ZBTB16: variants seen among roughly 807,000 people sequenced by gnomAD.
The protein encoded by ZBTB16 is zinc finger and BTB domain containing 16, also known as zinc finger and BTB domain-containing protein 16.
Under a neutral mutation model 56.8 loss-of-function variants are expected in ZBTB16, and 8 were observed. That is an observed-to-expected ratio of 0.14 (90% CI 0.08 to 0.25). The LOEUF is 0.25. Ranked by LOEUF, ZBTB16 falls within the 10% of genes least tolerant of loss-of-function variation. The probability of loss-of-function intolerance (pLI) is 1.00; values close to 1 mark genes in which losing one functional copy is unlikely to be tolerated. For missense variants in ZBTB16, 625 were observed against 903.0 expected (o/e 0.69, Z 3.95); for synonymous variants, 363 against 368.5 (o/e 0.98, Z 0.17).
chr11:114,066,231 G>A (rs1446307686), intron 2 of ZBTB16, among the ~76,000 whole-genome samples: 5 of 152,158 alleles, frequency 3.3e-5, no homozygotes, highest in African/African-American at 9.7e-5. Flanking sequence ...ACCCCTAGCC[G>A]GAATCTGCTC....
intron 3 of ZBTB16, among the ~76,000 whole-genome samples, chr11:114,164,182 C>T (rs1942678603): frequency 6.6e-6 from 1 of 152,038 alleles, no homozygotes; most frequent in African/African-American, 2.4e-5. Flanking sequence ...TGTCATTTTT[C>T]CCCCCTCAGA....
At chr11:114,072,498 A>T (rs1278058574) in intron 2 of ZBTB16, among the ~76,000 whole-genome samples, 2 of 152,074 alleles carry the variant, frequency 1.3e-5, no homozygotes, top group Admixed American at 1.3e-4. Flanking sequence ...CACCTTACTG[A>T]TGGGGGTCCT....
intron 5 of ZBTB16, chr11:114,246,944 A>T: frequency 1.8e-6 from 1 of 541,594 alleles, no homozygotes; most frequent in Non-Finnish European, 3.3e-6. Context: ...CCATCCCTGA[A>T]CCAAATGGGC....
chr11:114,209,375 A>G lies in ZBTB16; in HGVS notation c.1453+22337A>G, dbSNP rs139076784. ...TCTTGATCTACTGTTTTTCAGGTTA[A>G]TGGTGTCTGGGATTTGTGGAGGGAG... On this transcript the variant is annotated intron_variant, in intron 4 of 6. Transcript: ENST00000335953. 85 of 985,308 alleles carry G rather than the reference A, an allele frequency of 8.6e-5. No homozygotes were observed. The African/African-American group carries it at 1.4e-3, about 17-fold the overall frequency. 61.0% of individuals were successfully genotyped at this position (985,308 alleles called of 1,614,324 possible). A position where few individuals can be genotyped will look rare whatever the true frequency, so the allele number is the denominator to read the frequency against.
At chr11:114,195,437 G>T (rs1360216158) in intron 4 of ZBTB16, among the ~76,000 whole-genome samples, 2 of 152,156 alleles carry the variant, frequency 1.3e-5, no homozygotes, top group African/African-American at 4.8e-5. Flanking sequence ...AGGAAAGGGG[G>T]ATGGGCAAAT....
intron 3 of ZBTB16, among the ~76,000 whole-genome samples, chr11:114,173,362 G>A (rs1943020545): frequency 6.6e-6 from 1 of 152,128 alleles, no homozygotes. Context: ...GGGAAGGGAG[G>A]GTGGCAGTCT....
intron 4 of ZBTB16, among the ~76,000 whole-genome samples, chr11:114,223,336 A>G (rs1944272838): frequency 6.6e-6 from 1 of 152,204 alleles, no homozygotes; most frequent in Non-Finnish European, 1.5e-5. Flanking sequence ...ATTAAAAGAT[A>G]TGGGAATATA....
At chr11:114,119,222 A>G (rs1941267427) in intron 2 of ZBTB16, among the ~76,000 whole-genome samples, 1 of 137,954 alleles carries the variant, frequency 7.2e-6, no homozygotes, top group African/African-American at 2.7e-5. Flanking sequence ...CCGAAACCAC[A>G]CCACTCCGCT....
At chr11:114,154,072 G>C (rs1157167326) in intron 2 of ZBTB16, among the ~76,000 whole-genome samples, 1 of 152,202 alleles carries the variant, frequency 6.6e-6, no homozygotes, top group Non-Finnish European at 1.5e-5. Context: ...TTCATACCTA[G>C]AGAAAAGGCA....
Position 114,063,937 on chromosome 11 carries a change from C to G in ZBTB16, c.637C>G (p.Leu213Val), listed in dbSNP as rs771495746. 6.2e-7 allele frequency: 1 copy of G among 1,613,928 alleles called. No individual in the cohort carries two copies. Among genetic ancestry groups the G allele is most frequent in the Non-Finnish European group, 8.5e-7 (1 of 1,180,034 alleles). Residue 213 changes from leucine to valine, a missense_variant, in exon 2 of 7, where the codon CTC becomes GTC. Leu to Val is a conservative substitution (Grantham distance 32, BLOSUM62 1). Coordinates refer to ENST00000335953, the MANE Select transcript of ZBTB16 (RefSeq NM_006006.6). This position sits in a 1 kb window ranked among gnomAD's most constrained non-coding sequence, Gnocchi z 6.5. The part of the protein sequence containing the change: ...VDSLMTIGQS[L>V]LQGTLQPPAG... ...CAGTTTGATGACCATAGGACAGTCT[C>G]TCCTGCAGGGAACTCTTCAGCCACC...
At chr11:114,180,173 G>A (rs1275647697) in intron 3 of ZBTB16, among the ~76,000 whole-genome samples, 2 of 152,138 alleles carry the variant, frequency 1.3e-5, no homozygotes, top group Non-Finnish European at 2.9e-5. Flanking sequence ...GAGGTGTCGG[G>A]AAGTCAGGGA....
intron 4 of ZBTB16, among the ~76,000 whole-genome samples, chr11:114,235,693 T>A (rs201399242): frequency 0.46 from 52,115 of 113,618 alleles, 12,286 homozygotes; most frequent in East Asian, 0.5. Context: ...TTTCTTTCTT[T>A]TCTTTCTTTC....
chr11:114,173,349 G>T (rs953154812), intron 3 of ZBTB16, among the ~76,000 whole-genome samples: 1 of 152,184 alleles, frequency 6.6e-6, no homozygotes, highest in South Asian at 2.1e-4. Context: ...GGGCCCAGGG[G>T]AGGGGAAGGG....
chr11:114,128,005 T>A (rs1375841483), intron 2 of ZBTB16, among the ~76,000 whole-genome samples: 2 of 152,190 alleles, frequency 1.3e-5, no homozygotes, highest in Admixed American at 6.5e-5. Context: ...ACTCCATTGC[T>A]AGCGACTCCC....
chr11:114,082,213 A>G (rs1352648146), intron 2 of ZBTB16, among the ~76,000 whole-genome samples: 1 of 151,956 alleles, frequency 6.6e-6, no homozygotes, highest in Non-Finnish European at 1.5e-5. Flanking sequence ...TTATAAGTTC[A>G]AGGCTGTGGT....
intron 1 of ZBTB16, among the ~76,000 whole-genome samples, chr11:114,062,323 G>A (rs1938913390): frequency 6.6e-6 from 1 of 151,364 alleles, no homozygotes; most frequent in Admixed American, 6.6e-5. Context: ...GGCTGGTCTC[G>A]AACTCCCGAC....
In ZBTB16 at chr11:114,063,490, C is replaced by T; in HGVS notation, c.190C>T (p.His64Tyr). 6.2e-7 allele frequency: 1 copy of T among 1,614,212 alleles called. No homozygotes were observed. ...CAGCAAGATGTTTGAGATCCTCTTC[C>T]ACCGCAATAGTCAACACTATACTTT... is the stretch of plus-strand genomic sequence containing the variant. The part of the protein sequence containing the change: ...CTSKMFEILF[H>Y]RNSQHYTLDF... The change falls in exon 2 of 7, where the codon CAC (histidine) becomes TAC (tyrosine). Residue 64 changes from histidine to tyrosine, a missense_variant. His to Tyr is a moderately conservative substitution (Grantham distance 83). Coordinates refer to ENST00000335953, the MANE Select transcript of ZBTB16 (RefSeq NM_006006.6). This position sits in a 1 kb window ranked among gnomAD's most constrained non-coding sequence, Gnocchi z 6.5.
At chr11:114,144,737 A>G (rs996615516) in intron 2 of ZBTB16, among the ~76,000 whole-genome samples, 7 of 152,252 alleles carry the variant, frequency 4.6e-5, no homozygotes, top group African/African-American at 1.7e-4. Flanking sequence ...ATTATTAAGT[A>G]TATTTTCAAG....
At chr11:114,171,638 C>G (rs570791916) in intron 3 of ZBTB16, among the ~76,000 whole-genome samples, 1 of 152,210 alleles carries the variant, frequency 6.6e-6, no homozygotes, top group Non-Finnish European at 1.5e-5. Flanking sequence ...ACCACAAGGC[C>G]GGCGTGGCTT....
Sources: gnomAD v4.1 joint callset for allele counts (sites outside exome capture counted in the v4.1 genomes callset) on GRCh38, gnomAD v4.1.1 for gene constraint, Gnocchi (gnomAD v3.1) non-coding constraint, MANE v1.5 for transcripts, NCBI Gene and HGNC (gene_info 2026-07-23, HGNC 2026-07-21) for gene names.